LHFPL3: variants seen among roughly 807,000 people sequenced by gnomAD.
LHFPL3 encodes the protein LHFPL tetraspan subfamily member 3.
Under a neutral mutation model 19.3 loss-of-function variants are expected in LHFPL3, and 5 were observed. That is an observed-to-expected ratio of 0.26 (90% CI 0.14 to 0.54). The LOEUF (loss-of-function observed/expected upper bound fraction) is 0.54. Among genes scored for constraint, LHFPL3 ranks in the 20% least tolerant of loss-of-function variants. The pLI, the probability that LHFPL3 is intolerant of heterozygous loss-of-function variation, is 0.94. For missense variants in LHFPL3, 249 were observed against 307.4 expected (o/e 0.81, Z 1.42); for synonymous variants, 133 against 126.2 (o/e 1.05, Z -0.36).
intron 1 of LHFPL3, among the ~76,000 whole-genome samples, chr7:104,735,498 G>A (rs1793794920): frequency 6.6e-6 from 1 of 152,352 alleles, no homozygotes; most frequent in East Asian, 1.9e-4. Flanking sequence ...GGCTCCGTGG[G>A]CATAGGACCC....
chr7:104,479,141 C>T (rs377172324), intron 1 of LHFPL3, among the ~76,000 whole-genome samples: 1 of 152,272 alleles, frequency 6.6e-6, no homozygotes, highest in African/African-American at 2.4e-5. Flanking sequence ...TCTCCAAGCT[C>T]ATAAGACCCT....
intron 1 of LHFPL3, among the ~76,000 whole-genome samples, chr7:104,338,827 A>G (rs1370711422): frequency 6.6e-6 from 1 of 152,248 alleles, no homozygotes; most frequent in African/African-American, 2.4e-5. Context: ...TCTGAGAAAC[A>G]ATATAGCTTA....
intron 2 of LHFPL3, among the ~76,000 whole-genome samples, chr7:104,769,441 T>C (rs942038436): frequency 6.6e-6 from 1 of 151,874 alleles, no homozygotes; most frequent in Non-Finnish European, 1.5e-5. Context: ...CTTTTTGACC[T>C]ATAAAAATAG....
chr7:104,373,849 A>T (rs1790657047), intron 1 of LHFPL3, among the ~76,000 whole-genome samples: 1 of 152,234 alleles, frequency 6.6e-6, no homozygotes, highest in South Asian at 2.1e-4. Flanking sequence ...GTTAATAGAG[A>T]TTCTTTACAG....
intron 1 of LHFPL3, among the ~76,000 whole-genome samples, chr7:104,631,926 G>A (rs1166789011): frequency 6.6e-6 from 1 of 152,168 alleles, no homozygotes; most frequent in Non-Finnish European, 1.5e-5. Flanking sequence ...TTATGGGAAG[G>A]AAAACTGAGG....
At chr7:104,393,386 T>TA (rs200656860) in intron 1 of LHFPL3, among the ~76,000 whole-genome samples, 10,549 of 146,416 alleles carry the variant, frequency 0.072, 417 homozygotes, top group East Asian at 0.17. Context: ...AACCACAAAG[T>TA]AAAAAAAAAA....
At chr7:104,341,900 A>T (rs78546828) in intron 1 of LHFPL3, among the ~76,000 whole-genome samples, 2 of 74,526 alleles carry the variant, frequency 2.7e-5, no homozygotes, top group East Asian at 3.7e-4. Flanking sequence ...GAAAAAGAAT[A>T]AAAAAAAGGA....
intron 1 of LHFPL3, among the ~76,000 whole-genome samples, chr7:104,656,938 G>C (rs1792131989): frequency 6.6e-6 from 1 of 152,074 alleles, no homozygotes; most frequent in Admixed American, 6.5e-5. Flanking sequence ...TGAACTTTTG[G>C]TTGTTCACAA....
At chr7:104,498,403 A>G (rs1393182885) in intron 1 of LHFPL3, among the ~76,000 whole-genome samples, 1 of 152,184 alleles carries the variant, frequency 6.6e-6, no homozygotes, top group Non-Finnish European at 1.5e-5. Flanking sequence ...TGCTCAAAGA[A>G]GAACATTGGG....
chr7:104,408,866 T>TTTTTTTTTTTG (rs1791476466), intron 1 of LHFPL3, among the ~76,000 whole-genome samples: 1 of 127,976 alleles, frequency 7.8e-6, no homozygotes, highest in Admixed American at 8.0e-5. Context: ...TTTTCTTTCT[T>TTTTTTTTTTTG]TTTTTTTTTT....
chr7:104,819,753 C>T (rs918509773), intron 2 of LHFPL3, among the ~76,000 whole-genome samples: 3 of 152,126 alleles, frequency 2.0e-5, no homozygotes, highest in Non-Finnish European at 4.4e-5. Flanking sequence ...CTGATATGTG[C>T]GTACTTTAAC....
intron 1 of LHFPL3, among the ~76,000 whole-genome samples, chr7:104,554,884 C>G (rs74707710): frequency 0.014 from 2,083 of 152,178 alleles, 43 homozygotes; most frequent in African/African-American, 0.047. Flanking sequence ...CACAGGGGGA[C>G]CACTAGTGAA....
At chr7:104,598,346 G>C (rs1790903373) in intron 1 of LHFPL3, among the ~76,000 whole-genome samples, 1 of 152,204 alleles carries the variant, frequency 6.6e-6, no homozygotes, top group African/African-American at 2.4e-5. Flanking sequence ...CAAGAGCAGA[G>C]CTTTTAATGC....
intron 2 of LHFPL3, among the ~76,000 whole-genome samples, chr7:104,893,855 C>G (rs571050222): frequency 3.3e-5 from 5 of 150,796 alleles, no homozygotes; most frequent in African/African-American, 4.9e-5. Context: ...AGGAGGCTGA[C>G]GTGGGAGAAT....
intron 1 of LHFPL3, among the ~76,000 whole-genome samples, chr7:104,553,973 C>A (rs2115917492): frequency 6.6e-6 from 1 of 152,294 alleles, no homozygotes; most frequent in Non-Finnish European, 1.5e-5. Flanking sequence ...CTCATGATGT[C>A]TCTGTCCCAA....
At chr7:104,652,647 C>T (rs1160756714) in intron 1 of LHFPL3, among the ~76,000 whole-genome samples, 2 of 151,848 alleles carry the variant, frequency 1.3e-5, no homozygotes, top group Non-Finnish European at 2.9e-5. Flanking sequence ...GCGATAGCAC[C>T]CTGATTGCTG....
intron 1 of LHFPL3, among the ~76,000 whole-genome samples, chr7:104,605,753 A>T (rs942375199): frequency 1.3e-5 from 2 of 152,184 alleles, no homozygotes; most frequent in Admixed American, 6.5e-5. Context: ...TTCGTGTTGT[A>T]TAAAGTAAAG....
At chr7:104,339,488 G>A (rs1312823323) in intron 1 of LHFPL3, among the ~76,000 whole-genome samples, 1 of 152,180 alleles carries the variant, frequency 6.6e-6, no homozygotes, top group Admixed American at 6.5e-5. Context: ...TTTCCACTAA[G>A]TCTGAGAGAG....
chr7:104,569,586 A>G (rs1193770438), intron 1 of LHFPL3, among the ~76,000 whole-genome samples: 1 of 152,246 alleles, frequency 6.6e-6, no homozygotes, highest in Admixed American at 6.5e-5. Flanking sequence ...AGATTAGCAT[A>G]GCCATCATTT....
Sources: allele counts gnomAD v4.1 joint callset (sites outside exome capture counted in the v4.1 genomes callset), GRCh38; gene constraint gnomAD v4.1.1; transcripts MANE v1.5; gene names NCBI Gene and HGNC (gene_info 2026-07-23, HGNC 2026-07-21).